The following FZD2 variants were observed in gnomAD, a reference collection of about 807,000 sequenced individuals.
FZD2 encodes frizzled-2.
FZD2 carries 17 observed loss-of-function variants against 36.7 expected under a neutral mutation model. That is an observed-to-expected ratio of 0.46 (90% confidence interval 0.32 to 0.70). The LOEUF (loss-of-function observed/expected upper bound fraction) is 0.70. FZD2 is among the 30% of genes least tolerant of loss of function. FZD2 has a pLI of 0.04. For missense variants in FZD2, 525 were observed against 805.6 expected (o/e 0.65, Z 4.22); for synonymous variants, 333 against 359.6 (o/e 0.93, Z 0.84).
Position 44,559,069 on chromosome 17 carries a change from C to T in FZD2, c.1381C>T (p.Arg461Cys). ...KTEKLERLMV[R>C]IGVFSVLYTV... ...CGAAAAGCTGGAGCGGCTCATGGTG[C>T]GCATCGGCGTCTTCTCCGTGCTCTA... The change falls in exon 1 of 1, where the codon CGC becomes TGC. Residue 461 changes from arginine (R) to cysteine (C), a missense_variant. Around this residue, in one of 5 missense-constraint regions of FZD2, gnomAD observed 189 missense variants for 298.1 expected, o/e 0.63. Transcript: ENST00000315323. The surrounding 1 kb of genome is among the most constrained non-coding windows in gnomAD (Gnocchi z 4.4). 6.2e-7 allele frequency: 1 copy of T among 1,605,988 alleles called. No homozygotes were observed. Among genetic ancestry groups the T allele is most frequent in the African/African-American group, 1.4e-5 (1 of 73,258 alleles).
In FZD2 at chr17:44,559,175, G is replaced by C; in HGVS notation, c.1487G>C (p.Ser496Thr). The stretch of plus-strand genomic sequence containing the variant: ...GAGCACTGGGAGCGCTCGTGGGTGA[G>C]CCAGCACTGCAAGAGCCTGGCCATC... ...FREHWERSWV[S>T]QHCKSLAIPC... Residue 496 changes from serine to threonine, a missense_variant, in exon 1 of 1, where the codon AGC becomes ACC. Coordinates refer to ENST00000315323, the MANE Select transcript of FZD2 (RefSeq NM_001466.4). The surrounding 1 kb of genome is among the most constrained non-coding windows in gnomAD (Gnocchi z 4.4). The C allele has an allele frequency of 6.2e-7, 1 of 1,613,920 alleles. No individual in the cohort carries two copies. The highest frequency in any genetic ancestry group is 8.5e-7 in the Non-Finnish European group (1 of 1,180,006).
chr17:44,558,809 T>A lies in FZD2; in HGVS notation c.1121T>A (p.Leu374Gln). 1 of 1,614,180 alleles carries A rather than the reference T, an allele frequency of 6.2e-7. No homozygotes were observed. Among genetic ancestry groups the A allele is most frequent in the Non-Finnish European group, 8.5e-7 (1 of 1,180,028 alleles). The change falls in exon 1 of 1, where the codon CTG (leucine) becomes CAG (glutamine). Residue 374 changes from leucine to glutamine, a missense_variant. Coordinates refer to ENST00000315323, the MANE Select transcript of FZD2 (RefSeq NM_001466.4). The surrounding 1 kb of genome is among the most constrained non-coding windows in gnomAD (Gnocchi z 9.3). ...AIEANSQYFH[L>Q]AAWAVPAVKT... ...GAGGCCAACTCTCAGTACTTCCACC[T>A]GGCCGCCTGGGCCGTGCCGGCCGTC...
Position 44,559,162 on chromosome 17 carries a change from C to T in FZD2, c.1474C>T (p.Arg492Cys), listed in dbSNP as rs751478883. ...YEQAFREHWERSWVSQHCKSL... is the reference protein window; with the variant it reads ...YEQAFREHWECSWVSQHCKSL... ...GCAGGCCTTCCGCGAGCACTGGGAG[C>T]GCTCGTGGGTGAGCCAGCACTGCAA... Residue 492 changes from arginine (R) to cysteine (C), a missense_variant, in exon 1 of 1, where the codon CGC becomes TGC. Physicochemically the swap from Arg to Cys is radical, Grantham distance 180 (BLOSUM62 -3). Around this residue, in one of 5 missense-constraint regions of FZD2, gnomAD observed 189 missense variants for 298.1 expected, o/e 0.63. Coordinates refer to ENST00000315323, the MANE Select transcript of FZD2 (RefSeq NM_001466.4). This position sits in a 1 kb window ranked among gnomAD's most constrained non-coding sequence, Gnocchi z 4.4. The T allele has an allele frequency of 1.2e-6, 2 of 1,613,916 alleles. No homozygotes were observed. Among genetic ancestry groups the T allele is most frequent in the Non-Finnish European group, 8.5e-7 (1 of 1,180,010 alleles).
In FZD2 at chr17:44,558,296, G is replaced by A. The variant is rs1208609685; in HGVS notation, c.608G>A (p.Arg203His). 2.1e-6 allele frequency: 3 copies of A among 1,456,124 alleles called. No homozygotes were observed. Among genetic ancestry groups the A allele is most frequent in the African/African-American group, 3.0e-5 (2 of 67,376 alleles). 90.2% of individuals were successfully genotyped at this position (1,456,124 alleles called of 1,614,324 possible). Residue 203 changes from arginine (R) to histidine (H), a missense_variant, in exon 1 of 1, where the codon CGC becomes CAC. Arg to His is a conservative substitution (Grantham distance 29, BLOSUM62 0). Coordinates refer to ENST00000315323, the MANE Select transcript of FZD2 (RefSeq NM_001466.4). This position sits in a 1 kb window ranked among gnomAD's most constrained non-coding sequence, Gnocchi z 9.3. The part of the protein sequence containing the change: ...ATLEHPFHCP[R>H]VLKVPSYLSY... The stretch of plus-strand genomic sequence containing the variant: ...CTGGAGCACCCCTTCCACTGCCCGC[G>A]CGTCCTCAAGGTGCCATCCTATCTC...
Position 44,557,570 on chromosome 17 carries a change from C to T in FZD2, c.-119C>T. 3.0e-6 allele frequency: 2 copies of T among 657,384 alleles called. No individual in the cohort carries two copies. Among genetic ancestry groups the T allele is most frequent in the Non-Finnish European group, 4.4e-6 (2 of 459,040 alleles). 40.7% of individuals were successfully genotyped at this position (657,384 alleles called of 1,614,324 possible). On this transcript the variant is annotated 5_prime_UTR_variant, in exon 1 of 1. Coordinates refer to ENST00000315323, the MANE Select transcript of FZD2 (RefSeq NM_001466.4). The surrounding 1 kb of genome is among the most constrained non-coding windows in gnomAD (Gnocchi z 4.9). The stretch of plus-strand genomic sequence containing the variant: ...ACTCTGCGGCCGCGAGTAAAGTTTG[C>T]AAAGAGGCGCGGGAGGCGGCAGCCG...
Position 44,558,187 on chromosome 17 carries a change from G to A in FZD2, c.499G>A (p.Ala167Thr). Residue 167 changes from alanine to threonine, a missense_variant, in exon 1 of 1, where the codon GCG becomes ACG. By Grantham distance (58) the Ala-to-Thr change is moderately conservative (BLOSUM62 0). This residue lies in a region of FZD2 where 257 missense variants were observed against 344.4 expected (regional missense o/e 0.75). Coordinates refer to ENST00000315323, the MANE Select transcript of FZD2 (RefSeq NM_001466.4). The surrounding 1 kb of genome is among the most constrained non-coding windows in gnomAD (Gnocchi z 9.3). The stretch of plus-strand genomic sequence containing the variant: ...CGGAGCTCCCGCGCTACTCACCACC[G>A]CGCCGCCGCCGGGACTGCAGCCGGG... ...EDGAPALLTT[A>T]PPPGLQPGAG... The A allele has an allele frequency of 1.3e-6, 2 of 1,499,396 alleles. No individual in the cohort carries two copies. Among genetic ancestry groups the A allele is most frequent in the African/African-American group, 1.4e-5 (1 of 68,984 alleles). 92.9% of individuals were successfully genotyped at this position (1,499,396 alleles called of 1,614,324 possible). A position where few individuals can be genotyped will look rare whatever the true frequency, so the allele number is the denominator to read the frequency against.
At position 44,559,477 on chromosome 17, in the gene FZD2, A is replaced by C. The variant is rs1295808499; in HGVS notation, c.*91A>C. 4.9e-6 allele frequency: 7 copies of C among 1,425,960 alleles called. No individual in the cohort carries two copies. Among genetic ancestry groups the C allele is most frequent in the Non-Finnish European group, 6.4e-6 (7 of 1,094,434 alleles). 88.3% of individuals were successfully genotyped at this position (1,425,960 alleles called of 1,614,324 possible). On this transcript the variant is annotated 3_prime_UTR_variant, in exon 1 of 1. Transcript: ENST00000315323. The surrounding 1 kb of genome is among the most constrained non-coding windows in gnomAD (Gnocchi z 4.4). ...CGTATTTTATTTTTTTAAATAAAAA[A>C]CGATCGAAACCATTTCACTTTTAGG... is the stretch of plus-strand genomic sequence containing the variant.
rs1201742751 is a variant in FZD2 at position 44,560,995 on chromosome 17, T to C, written c.*1609T>C. ...TCCTAAAGTGCTGGGATTACAGGAG[T>C]GAGCCACAGTGCCTGGCCTGTCAAG... On this transcript the variant is annotated 3_prime_UTR_variant, in exon 1 of 1. Coordinates refer to ENST00000315323, the MANE Select transcript of FZD2 (RefSeq NM_001466.4). Among the ~76,000 whole-genome samples, 1 of 152,150 alleles carries C rather than the reference T, an allele frequency of 6.6e-6. No individual in the cohort carries two copies. The highest frequency in any genetic ancestry group is 1.5e-5 in the Non-Finnish European group (1 of 68,030).
rs781591909 is a variant in FZD2, at chr17:44,557,991, C to T, written c.303C>T (p.Thr101=). Reference sequence around the variant, plus strand: ...GCTCCATGTACGCACCCGTGTGCACCGTGCTGGAACAGGCCATCCCGCCGT... The same window carrying T: ...GCTCCATGTACGCACCCGTGTGCACTGTGCTGGAACAGGCCATCCCGCCGT... ...FLCSMYAPVC[T]VLEQAIPPCR... Residue 101 remains threonine, a synonymous_variant, in exon 1 of 1, where the codon ACC becomes ACT. Coordinates refer to ENST00000315323, the MANE Select transcript of FZD2 (RefSeq NM_001466.4). The surrounding 1 kb of genome is among the most constrained non-coding windows in gnomAD (Gnocchi z 4.9). The T allele has an allele frequency of 3.1e-6, 5 of 1,614,008 alleles. No individual in the cohort carries two copies. Among genetic ancestry groups the T allele is most frequent in the South Asian group, 1.1e-5 (1 of 91,088 alleles).
rs574279557 is a variant in FZD2, at chr17:44,558,633, C to T, written c.945C>T (p.Tyr315=). ...ACGAGCGCTTCTCCGAGGACGGTTACCGCACGGTGGTGCAGGGCACCAAGA... is the reference window on the plus strand; with the variant it reads ...ACGAGCGCTTCTCCGAGGACGGTTATCGCACGGTGGTGCAGGGCACCAAGA... ...VCNERFSEDG[Y]RTVVQGTKKE... The change falls in exon 1 of 1, where the codon TAC becomes TAT. Residue 315 remains tyrosine (Y), a synonymous_variant. Coordinates refer to ENST00000315323, the MANE Select transcript of FZD2 (RefSeq NM_001466.4). This position sits in a 1 kb window ranked among gnomAD's most constrained non-coding sequence, Gnocchi z 9.3. 2.5e-6 allele frequency: 4 copies of T among 1,614,190 alleles called. No homozygotes were observed. The highest frequency in any genetic ancestry group is 3.3e-5 in the Admixed American group (2 of 60,032).
chr17:44,557,606 G>A lies in FZD2; in HGVS notation c.-83G>A. ...GGGAGGCGGCAGCCGCAGCGAGGAG[G>A]CGGCGGGGAAGAAGCGCAGTCTCCG... is the stretch of plus-strand genomic sequence containing the variant. On this transcript the variant is annotated 5_prime_UTR_variant, in exon 1 of 1. Transcript: ENST00000315323. This position sits in a 1 kb window ranked among gnomAD's most constrained non-coding sequence, Gnocchi z 4.9. The A allele has an allele frequency of 1.1e-6, 1 of 874,882 alleles. No homozygotes were observed. Among genetic ancestry groups the A allele is most frequent in the South Asian group, 3.3e-5 (1 of 30,562 alleles). 54.2% of individuals were successfully genotyped at this position (874,882 alleles called of 1,614,324 possible). A position where few individuals can be genotyped will look rare whatever the true frequency, so the allele number is the denominator to read the frequency against.
rs1385421964 is a variant in FZD2 at position 44,559,171 on chromosome 17, G to A, written c.1483G>A (p.Val495Met). The A allele has an allele frequency of 6.2e-7, 1 of 1,613,816 alleles. No individual in the cohort carries two copies. The highest frequency in any genetic ancestry group is 8.5e-7 in the Non-Finnish European group (1 of 1,180,016). The change falls in exon 1 of 1, where the codon GTG (valine) becomes ATG (methionine). Residue 495 changes from valine to methionine, a missense_variant. Physicochemically the swap from Val to Met is conservative, Grantham distance 21 (BLOSUM62 1). Around this residue, in one of 5 missense-constraint regions of FZD2, gnomAD observed 189 missense variants for 298.1 expected, o/e 0.63. Transcript: ENST00000315323. This position sits in a 1 kb window ranked among gnomAD's most constrained non-coding sequence, Gnocchi z 4.4. ...AFREHWERSW[V>M]SQHCKSLAIP... ...CCGCGAGCACTGGGAGCGCTCGTGG[G>A]TGAGCCAGCACTGCAAGAGCCTGGC...
In FZD2 at chr17:44,559,092, C is replaced by T. The variant is rs747511599; in HGVS notation, c.1404C>T (p.Leu468=). ...LMVRIGVFSV[L]YTVPATIVIA... is the part of the protein sequence containing the mutation. Reference sequence around the variant, plus strand: ...TGCGCATCGGCGTCTTCTCCGTGCTCTACACAGTGCCCGCCACCATCGTCA... The same window carrying T: ...TGCGCATCGGCGTCTTCTCCGTGCTTTACACAGTGCCCGCCACCATCGTCA... Residue 468 remains leucine (L), a synonymous_variant, in exon 1 of 1, where the codon CTC becomes CTT. Coordinates refer to ENST00000315323, the MANE Select transcript of FZD2 (RefSeq NM_001466.4). The surrounding 1 kb of genome is among the most constrained non-coding windows in gnomAD (Gnocchi z 4.4). 1.2e-6 allele frequency: 2 copies of T among 1,614,124 alleles called. No individual in the cohort carries two copies. The highest frequency in any genetic ancestry group is 1.7e-6 in the Non-Finnish European group (2 of 1,180,038).
In FZD2 at chr17:44,558,456, C is replaced by A. The variant is rs369254941; in HGVS notation, c.768C>A (p.Cys256Ter). ...TCCTCACCTGGTCGGTGCTGTGCTG[C>A]GCTTCCACCTTCTTCACTGTCACCA... The part of the protein sequence containing the change: ...LWILTWSVLC[C>*]ASTFFTVTTY... Residue 256 changes from cysteine to a stop codon, truncating the protein, a stop_gained, in exon 1 of 1, where the codon TGC becomes TGA. Transcript: ENST00000315323. LOFTEE classifies it high-confidence loss of function. This position sits in a 1 kb window ranked among gnomAD's most constrained non-coding sequence, Gnocchi z 9.3. 6.3e-7 allele frequency: 1 copy of A among 1,588,354 alleles called. No homozygotes were observed. Among genetic ancestry groups the A allele is most frequent in the Non-Finnish European group, 8.6e-7 (1 of 1,168,422 alleles).
rs772968141 is a variant in FZD2 at position 44,558,615 on chromosome 17, C to T, written c.927C>T (p.Arg309=). 1 of 1,613,746 alleles carries T rather than the reference C, an allele frequency of 6.2e-7. No homozygotes were observed. The highest frequency in any genetic ancestry group is 1.3e-5 in the African/African-American group (1 of 74,952). The change falls in exon 1 of 1, where the codon CGC becomes CGT. Residue 309 remains arginine (R), a synonymous_variant. Transcript: ENST00000315323. This position sits in a 1 kb window ranked among gnomAD's most constrained non-coding sequence, Gnocchi z 9.3. ...VLQERVVCNE[R]FSEDGYRTVV... ...AGGAGCGCGTGGTGTGCAACGAGCG[C>T]TTCTCCGAGGACGGTTACCGCACGG...
rs760449405 is a variant in FZD2, at chr17:44,558,177, A to G, written c.489A>G (p.Leu163=). Reference sequence around the variant, plus strand: ...ACTCCGAGGACGGAGCTCCCGCGCTACTCACCACCGCGCCGCCGCCGGGAC... The same window carrying G: ...ACTCCGAGGACGGAGCTCCCGCGCTGCTCACCACCGCGCCGCCGCCGGGAC... ...QNHSEDGAPA[L]LTTAPPPGLQ... The change falls in exon 1 of 1, where the codon CTA becomes CTG. Residue 163 remains leucine (L), a synonymous_variant. Coordinates refer to ENST00000315323, the MANE Select transcript of FZD2 (RefSeq NM_001466.4). The surrounding 1 kb of genome is among the most constrained non-coding windows in gnomAD (Gnocchi z 9.3). 5 of 1,529,602 alleles carry G rather than the reference A, an allele frequency of 3.3e-6. No homozygotes were observed. The South Asian group carries it at 6.2e-5, about 19-fold the overall frequency. 94.8% of individuals were successfully genotyped at this position (1,529,602 alleles called of 1,614,324 possible).
rs770215499 is a variant in FZD2 at position 44,558,622 on chromosome 17, G to C, written c.934G>C (p.Glu312Gln). ...ERVVCNERFS[E>Q]DGYRTVVQGT... Reference sequence around the variant, plus strand: ...CGTGGTGTGCAACGAGCGCTTCTCCGAGGACGGTTACCGCACGGTGGTGCA... The same window carrying C: ...CGTGGTGTGCAACGAGCGCTTCTCCCAGGACGGTTACCGCACGGTGGTGCA... The change falls in exon 1 of 1, where the codon GAG (glutamate) becomes CAG (glutamine). Residue 312 changes from glutamate to glutamine, a missense_variant. Physicochemically the swap from Glu to Gln is conservative, Grantham distance 29. This residue lies in a region of FZD2 where 257 missense variants were observed against 344.4 expected (regional missense o/e 0.75). Coordinates refer to ENST00000315323, the MANE Select transcript of FZD2 (RefSeq NM_001466.4). The surrounding 1 kb of genome is among the most constrained non-coding windows in gnomAD (Gnocchi z 9.3). 17 of 1,614,034 alleles carry C rather than the reference G, an allele frequency of 1.1e-5. No individual in the cohort carries two copies. The highest frequency in any genetic ancestry group is 1.4e-5 in the Non-Finnish European group (16 of 1,179,968).
At position 44,557,700 on chromosome 17, in the gene FZD2, C is replaced by T; in HGVS notation, c.12C>T (p.Arg4=). MRP[R]SALPRLLLPL... is the part of the protein sequence containing the mutation. ...GGGCGGCGGCCAGCATGCGGCCCCG[C>T]AGCGCCCTGCCCCGCCTGCTGCTGC... is the stretch of plus-strand genomic sequence containing the variant. The change falls in exon 1 of 1, where the codon CGC becomes CGT. Residue 4 remains arginine (R), a synonymous_variant. Coordinates refer to ENST00000315323, the MANE Select transcript of FZD2 (RefSeq NM_001466.4). The surrounding 1 kb of genome is among the most constrained non-coding windows in gnomAD (Gnocchi z 4.9). 2 of 1,473,826 alleles carry T rather than the reference C, an allele frequency of 1.4e-6. No homozygotes were observed. Among genetic ancestry groups the T allele is most frequent in the Non-Finnish European group, 1.8e-6 (2 of 1,115,160 alleles). The allele number at this position is 1,473,826 out of a possible 1,614,324, so 91.3% of individuals were successfully genotyped here. A position where few individuals can be genotyped will look rare whatever the true frequency, so the allele number is the denominator to read the frequency against.
Position 44,558,131 on chromosome 17 carries a change from A to C in FZD2, c.443A>C (p.Gln148Pro). 1 of 1,606,728 alleles carries C rather than the reference A, an allele frequency of 6.2e-7. No individual in the cohort carries two copies. The highest frequency in any genetic ancestry group is 8.5e-7 in the Non-Finnish European group (1 of 1,179,156). Residue 148 changes from glutamine to proline, a missense_variant, in exon 1 of 1, where the codon CAG (glutamine) becomes CCG (proline). By Grantham distance (76) the Gln-to-Pro change is moderately conservative (BLOSUM62 -1). This residue lies in a region of FZD2 where 257 missense variants were observed against 344.4 expected (regional missense o/e 0.75). Transcript: ENST00000315323. This position sits in a 1 kb window ranked among gnomAD's most constrained non-coding sequence, Gnocchi z 9.3. ...CACTTCCCGCGCCACGGCGCCGAGCAGATCTGCGTCGGCCAGAACCACTCC... is the reference window on the plus strand; with the variant it reads ...CACTTCCCGCGCCACGGCGCCGAGCCGATCTGCGTCGGCCAGAACCACTCC... Reference protein sequence around the residue: ...CEHFPRHGAEQICVGQNHSED... With the variant: ...CEHFPRHGAEPICVGQNHSED...
Sources: allele counts gnomAD v4.1 joint callset (sites outside exome capture counted in the v4.1 genomes callset), GRCh38; gene constraint gnomAD v4.1.1; regional missense constraint gnomAD v4.1.1; non-coding constraint Gnocchi (gnomAD v3.1); transcripts MANE v1.5; gene names NCBI Gene and HGNC (gene_info 2026-07-23, HGNC 2026-07-21).